Variants in SPANXN2 observed in about 807,000 individuals in gnomAD.
SPANXN2 encodes the protein sperm protein associated with the nucleus on the X chromosome N2.
Under a neutral mutation model 2.0 loss-of-function variants are expected in SPANXN2, and 1 was observed. The observed-to-expected ratio is 0.50, with a 90% confidence interval of 0.18 to 2.36. The LOEUF is 2.36. SPANXN2 is among the 30% of genes most tolerant of loss of function. The pLI, the probability that SPANXN2 is intolerant of heterozygous loss-of-function variation, is 0.26. For missense variants in SPANXN2, 88 were observed against 116.7 expected (o/e 0.75, Z 1.13); for synonymous variants, 43 against 49.8 (o/e 0.86, Z 0.58).
At chrX:143,720,733 T>C in exon 1 of SPANXN2, 1 of 1,152,337 alleles carries the variant, frequency 8.7e-7, no homozygotes, top group Non-Finnish European at 1.2e-6. Context: ...CACAGCTATA[T>C]TGAAGCTTGC....
intron 1 of SPANXN2, among the ~76,000 whole-genome samples, chrX:143,715,733 C>A (rs782115177): frequency 9.4e-6 from 1 of 106,699 alleles, no homozygotes; most frequent in East Asian, 3.2e-4. Flanking sequence ...TAACTCTCCC[C>A]ACAACACCCC....
rs1932352729 is a variant in SPANXN2 at position 143,720,650 on chromosome X, T to C, written c.19A>G (p.Ser7Gly). The C allele has an allele frequency of 5.0e-6, 6 of 1,209,191 alleles. No individual in the cohort carries two copies. Among genetic ancestry groups the C allele is most frequent in the Non-Finnish European group, 6.7e-6 (6 of 895,065 alleles). Residue 7 changes from serine (S) to glycine (G), a missense_variant, in exon 1 of 2, where the codon AGC (serine) becomes GGC (glycine). Transcript: ENST00000598475. ...CTCTTCCTCTTCTCCCCATTGGTGC[T>C]TGAAGTCGGCTGTTCCATGATTCTG... is the stretch of plus-strand genomic sequence containing the variant.
intron 1 of SPANXN2, among the ~76,000 whole-genome samples, chrX:143,717,787 C>G (rs1443190284): frequency 8.9e-6 from 1 of 111,799 alleles, no homozygotes; most frequent in African/African-American, 3.3e-5. Flanking sequence ...TCCCACACAC[C>G]AGACCTGAGG....
intron 1 of SPANXN2, among the ~76,000 whole-genome samples, chrX:143,713,892 A>ACT (rs58045166): frequency 0.038 from 3,312 of 87,831 alleles, 197 homozygotes; most frequent in African/African-American, 0.13. Flanking sequence ...TTCATGCCTC[A>ACT]CTCTCTCTCT....
intron 1 of SPANXN2, among the ~76,000 whole-genome samples, chrX:143,715,991 G>T (rs1350633819): frequency 9.0e-6 from 1 of 111,264 alleles, no homozygotes; most frequent in Non-Finnish European, 1.9e-5. Context: ...CACATGTCCT[G>T]TACTCTTACA....
At chrX:143,718,893 G>A (rs1425511003) in intron 1 of SPANXN2, among the ~76,000 whole-genome samples, 2 of 110,595 alleles carry the variant, frequency 1.8e-5, no homozygotes, top group African/African-American at 3.3e-5. Context: ...CACCCCGAAC[G>A]TCTAACAGAT....
At chrX:143,715,141 C>T (rs1349408811) in intron 1 of SPANXN2, among the ~76,000 whole-genome samples, 1 of 111,654 alleles carries the variant, frequency 9.0e-6, no homozygotes, top group Non-Finnish European at 1.9e-5. Context: ...ACCGCCCCTA[C>T]TGCCATCACC....
At chrX:143,712,259 C>T (rs1434868602) in exon 2 of SPANXN2, 2 of 1,208,908 alleles carry the variant, frequency 1.7e-6, no homozygotes, top group Non-Finnish European at 2.2e-6. Flanking sequence ...TGTGAAGATC[C>T]TTCAGATGAG....
intron 1 of SPANXN2, among the ~76,000 whole-genome samples, chrX:143,715,591 C>A (rs1158853893): frequency 9.4e-6 from 1 of 106,798 alleles, no homozygotes; most frequent in African/African-American, 3.4e-5. Context: ...ACATCACATC[C>A]CAGTTAAAAT....
At chrX:143,715,769 G>A (rs782106185) in intron 1 of SPANXN2, among the ~76,000 whole-genome samples, 4 of 109,153 alleles carry the variant, frequency 3.7e-5, no homozygotes, top group South Asian at 8.4e-4. Context: ...AAAGACAGAC[G>A]GGACTTACCC....
chrX:143,720,289 G>C (rs1484417086), intron 1 of SPANXN2, among the ~76,000 whole-genome samples: 3 of 109,251 alleles, frequency 2.7e-5, no homozygotes, highest in Non-Finnish European at 5.7e-5. Flanking sequence ...ACTTTCCTAT[G>C]GTATCTTGCT....
chrX:143,715,088 T>A (rs1436969311), intron 1 of SPANXN2, among the ~76,000 whole-genome samples: 1 of 111,479 alleles, frequency 9.0e-6, no homozygotes, highest in Non-Finnish European at 1.9e-5. Flanking sequence ...CTCTTCATCC[T>A]GCTTCACCAC....
chrX:143,715,158 G>A (rs1932237143), intron 1 of SPANXN2, among the ~76,000 whole-genome samples: 1 of 111,122 alleles, frequency 9.0e-6, no homozygotes, highest in South Asian at 3.8e-4. Context: ...CACCACCTCG[G>A]AACCCAGGGT....
At chrX:143,718,222 C>T (rs1479948926) in intron 1 of SPANXN2, among the ~76,000 whole-genome samples, 2 of 111,819 alleles carry the variant, frequency 1.8e-5, no homozygotes, top group Admixed American at 1.9e-4. Context: ...AGCCTAAGCC[C>T]ATTTAAATTC....
intron 1 of SPANXN2, among the ~76,000 whole-genome samples, chrX:143,719,836 C>T (rs1445322843): frequency 1.8e-5 from 2 of 110,252 alleles, no homozygotes; most frequent in Non-Finnish European, 3.8e-5. Context: ...TGGTCCCTTT[C>T]TTAGGGCCGT....
rs189806917 is a variant in SPANXN2 at position 143,715,648 on chromosome X, C to T, written c.79-3149G>A. On this transcript the variant is annotated intron_variant, in intron 1 of 1. Transcript: ENST00000598475. ...TTTCCTTCATCAGTCTCAATATCCC[C>T]TTAATCCAGCCTTGCTTAGGGGGTC... 3.6e-4 allele frequency among the ~76,000 whole-genome samples: 38 copies of T among 105,368 alleles called. 3 individuals are homozygous for T. The Admixed American group carries it at 3.8e-3, about 10-fold the overall frequency. The allele number at this position is 105,368 out of a possible 115,157, so 91.5% of individuals were successfully genotyped here.
At chrX:143,712,086 G>A (rs142899100) in exon 2 of SPANXN2, 141 of 1,209,997 alleles carry the variant, frequency 1.2e-4, no homozygotes, top group Non-Finnish European at 1.4e-4. Context: ...CTAGGTCTTC[G>A]TCCTCCTGTG....
chrX:143,716,379 T>TGGGCCTTGTG (rs1932265467), intron 1 of SPANXN2, among the ~76,000 whole-genome samples: 1 of 111,147 alleles, frequency 9.0e-6, no homozygotes, highest in Non-Finnish European at 1.9e-5. Flanking sequence ...CCCTCCTTCT[T>TGGGCCTTGTG]GGGCCTTGTG....
chrX:143,715,514 C>T (rs1932244511), intron 1 of SPANXN2, among the ~76,000 whole-genome samples: 3 of 109,758 alleles, frequency 2.7e-5, no homozygotes, highest in African/African-American at 6.6e-5. Context: ...CACTCATCCT[C>T]ATTATCCACC....
Sources: gnomAD v4.1 joint callset for allele counts (sites outside exome capture counted in the v4.1 genomes callset) on GRCh38, gnomAD v4.1.1 for gene constraint, MANE v1.5 for transcripts, NCBI Gene and HGNC (gene_info 2026-07-23, HGNC 2026-07-21) for gene names.